Variants in NCAPG observed in about 807,000 individuals in gnomAD.
NCAPG encodes condensin complex subunit 3.
NCAPG carries 69 observed loss-of-function variants against 113.1 expected under a neutral mutation model. That is an observed-to-expected ratio of 0.61 (90% CI 0.50 to 0.75). The LOEUF (loss-of-function observed/expected upper bound fraction) is 0.75, where lower values mean the gene tolerates loss of function less well. NCAPG is among the 30% of genes least tolerant of loss of function. NCAPG has a pLI of 0.00. For missense variants in NCAPG, 1,058 were observed against 1,177.0 expected, an observed-to-expected ratio of 0.90 and a Z score of 1.48; for synonymous variants, 370 against 415.8, an observed-to-expected ratio of 0.89 and a Z score of 1.34.
At chr4:17,817,150 C>A in intron 5 of NCAPG, 111 bp from the exon 6 acceptor site, 1 of 734,810 alleles carries the variant, frequency 1.4e-6, no homozygotes. Flanking sequence ...TGCCTCTTAA[C>A]CTCTACTATT....
rs949484109 is a variant in NCAPG, at chr4:17,844,425, T to A, written c.*1000T>A. 1.6e-4 allele frequency: 24 copies of A among 152,504 alleles called. No individual in the cohort carries two copies. Among genetic ancestry groups the A allele is most frequent in the African/African-American group, 5.5e-4 (23 of 41,544 alleles). The allele number at this position is 152,504 out of a possible 1,614,324, so 9.4% of individuals were successfully genotyped here. On this transcript the variant is annotated 3_prime_UTR_variant, in exon 21 of 21. Transcript: ENST00000251496. Reference sequence around the variant, plus strand: ...TATCATCTACTAGAGGCCATTTACTTAAGGTGAAATTTTAAGATGGAGCTA... The same window carrying A: ...TATCATCTACTAGAGGCCATTTACTAAAGGTGAAATTTTAAGATGGAGCTA...
chr4:17,824,843 C>T, intron 9 of NCAPG, 125 bp from the exon 10 acceptor site: 1 of 565,760 alleles, frequency 1.8e-6, no homozygotes, highest in East Asian at 3.0e-5. Context: ...TGTGCTATTT[C>T]TACCAGTATG....
chr4:17,842,440 G>C, intron 20 of NCAPG, 61 bp downstream of exon 20: 1 of 1,362,508 alleles, frequency 7.3e-7, no homozygotes, highest in Non-Finnish European at 1.0e-6. Context: ...TCTACAAGTA[G>C]AAAAAAACTA....
intron 15 of NCAPG, 94 bp downstream of exon 15, chr4:17,837,434 C>G: frequency 7.9e-7 from 1 of 1,272,400 alleles, no homozygotes; most frequent in Non-Finnish European, 1.1e-6. Flanking sequence ...GTTGTTGATA[C>G]TTTTTCTGTC....
rs1722156464 is a variant in NCAPG at position 17,837,628 on chromosome 4, A to C, written c.2293A>C (p.Thr765Pro). The change falls in exon 16 of 21, where the codon ACT becomes CCT. Residue 765 changes from threonine to proline, a missense_variant and splice_region_variant. Physicochemically the swap from Thr to Pro is conservative, Grantham distance 38 (BLOSUM62 -1). Coordinates refer to ENST00000251496, the MANE Select transcript of NCAPG (RefSeq NM_022346.5). ...TACTTTGAATTTGTTTCTCAATAGG[A>C]CTAATCAGGAATGCTTTGAAGAAGC... ...FFPVFAYASRTNQECFEEAFL... is the reference protein window; with the variant it reads ...FFPVFAYASRPNQECFEEAFL... The C allele has an allele frequency of 6.2e-7, 1 of 1,612,084 alleles. No individual in the cohort carries two copies. Among genetic ancestry groups the C allele is most frequent in the Non-Finnish European group, 8.5e-7 (1 of 1,179,356 alleles).
At chr4:17,840,533 T>C (rs77921100) in intron 18 of NCAPG, 74 bp from the exon 19 acceptor site, 33,451 of 878,956 alleles carry the variant, frequency 0.038, 1,724 homozygotes, top group African/African-American at 0.22. Flanking sequence ...TTATAAAAAC[T>C]GGTCTTAAAA....
At chr4:17,841,272 CCAGA>C (rs1326549003) in intron 19 of NCAPG, 4 of 152,016 alleles carry the variant, frequency 2.6e-5, no homozygotes, top group African/African-American at 4.8e-5. Context: ...GAAAGTACAT[CCAGA>C]CAAACTACTA....
intron 7 of NCAPG, among the ~76,000 whole-genome samples, chr4:17,820,486 T>C (rs924396356): frequency 6.6e-6 from 1 of 151,780 alleles, no homozygotes; most frequent in African/African-American, 2.4e-5. Flanking sequence ...CCTGTAGTCC[T>C]AGCTACTCGG....
chr4:17,814,815 A>C lies in NCAPG; in HGVS notation c.545-38A>C, dbSNP rs765286104. On this transcript the variant is annotated intron_variant, in intron 3 of 20. Transcript: ENST00000251496. ...ATTTTATGACTGTAGTTAAATAAAT[A>C]ATTTCATCAGTACTAAAATGTATTG... The C allele has an allele frequency of 2.5e-6, 4 of 1,573,690 alleles. No homozygotes were observed. In the South Asian group the frequency reaches 3.4e-5, roughly 13 times the overall value.
intron 13 of NCAPG, 129 bp from the exon 14 acceptor site, chr4:17,834,170 T>G (rs537618413): frequency 1.9e-6 from 1 of 538,220 alleles, no homozygotes; most frequent in Admixed American, 3.9e-5. Context: ...AAAGTGATGT[T>G]TTCTTTAGAC....
intron 19 of NCAPG, 196 bp from the exon 20 acceptor site, chr4:17,842,114 T>C: frequency 1.9e-6 from 1 of 516,466 alleles, no homozygotes; most frequent in Non-Finnish European, 3.5e-6. Flanking sequence ...ACAAAATAAA[T>C]TAAGTTTTAA....
At chr4:17,828,520 T>C in intron 12 of NCAPG, 132 bp downstream of exon 12, 1 of 459,964 alleles carries the variant, frequency 2.2e-6, no homozygotes, top group South Asian at 4.5e-5. Flanking sequence ...TGATAAAATA[T>C]ATATATATAG....
chr4:17,823,632 T>G lies in NCAPG; in HGVS notation c.1260-15T>G. On this transcript the variant is annotated splice_polypyrimidine_tract_variant and intron_variant, in intron 8 of 20. Transcript: ENST00000251496. Reference sequence around the variant, plus strand: ...TTGTCATAATAATATTTAAATTAGTTCTTTTTGACTGCAGAAAAAAACTGC... The same window carrying G: ...TTGTCATAATAATATTTAAATTAGTGCTTTTTGACTGCAGAAAAAAACTGC... 6.3e-7 allele frequency: 1 copy of G among 1,598,614 alleles called. No individual in the cohort carries two copies. The highest frequency in any genetic ancestry group is 8.5e-7 in the Non-Finnish European group (1 of 1,171,392).
intron 20 of NCAPG, chr4:17,842,593 C>T: frequency 2.0e-6 from 1 of 498,372 alleles, no homozygotes. Context: ...CTGGCATGGT[C>T]TTTAGTACTA....
At chr4:17,819,407 ATTT>A (rs11430673) in intron 7 of NCAPG, among the ~76,000 whole-genome samples, 1 of 145,206 alleles carries the variant, frequency 6.9e-6, no homozygotes. Context: ...TTTATGGTTT[ATTT>A]TTTTTTTTTT....
At position 17,843,388 on chromosome 4, in the gene NCAPG, T is replaced by C. The variant is rs777357064; in HGVS notation, c.3011T>C (p.Leu1004Pro). Residue 1004 changes from leucine (L) to proline (P), a missense_variant, in exon 21 of 21, where the codon CTT becomes CCT. Physicochemically the swap from Leu to Pro is moderately conservative, Grantham distance 98. Transcript: ENST00000251496. ...ACCGCAGCACTAGAAAAAAGTAAAC[T>C]TAACCTTGCCCAATTTCTCAATGAA... ...AKTAALEKSK[L>P]NLAQFLNEDL... The C allele has an allele frequency of 2.5e-6, 4 of 1,611,796 alleles. No individual in the cohort carries two copies. The highest frequency in any genetic ancestry group is 3.4e-6 in the Non-Finnish European group (4 of 1,178,282).
chr4:17,822,880 C>T (rs1048754768), intron 7 of NCAPG, 103 bp from the exon 8 acceptor site: 31 of 839,630 alleles, frequency 3.7e-5, no homozygotes, highest in South Asian at 4.3e-5. Flanking sequence ...TGTATTTAGA[C>T]GAATATGACC....
At position 17,839,772 on chromosome 4, in the gene NCAPG, A is replaced by G. The variant is rs1722263420; in HGVS notation, c.2563A>G (p.Ser855Gly). Residue 855 changes from serine (S) to glycine (G), a missense_variant, in exon 17 of 21, where the codon AGT becomes GGT. Ser to Gly is a moderately conservative substitution (Grantham distance 56). Transcript: ENST00000251496. ...AATTCGAGTCTATACAAAAGCCTTG[A>G]GTTCTTTAGAACTCAGTAGCCATCT... ...PEIRVYTKAL[S>G]SLELSSHLAK... The G allele has an allele frequency of 6.3e-7, 1 of 1,585,388 alleles. No individual in the cohort carries two copies.
At chr4:17,835,641 G>A (rs1292277411) in intron 14 of NCAPG, among the ~76,000 whole-genome samples, 1 of 152,160 alleles carries the variant, frequency 6.6e-6, no homozygotes, top group African/African-American at 2.4e-5. Flanking sequence ...TCCCCCTTCT[G>A]CCAGCCCTGA....
Sources: gnomAD v4.1 joint callset for allele counts (sites outside exome capture counted in the v4.1 genomes callset) on GRCh38, gnomAD v4.1.1 for gene constraint, MANE v1.5 for transcripts, NCBI Gene and HGNC (gene_info 2026-07-23, HGNC 2026-07-21) for gene names.